Variants in COXFA4L2 observed in about 807,000 individuals in gnomAD.
The protein encoded by COXFA4L2 is NADH dehydrogenase (ubiquinone) 1 alpha subcomplex, 4-like 2.
the COXFA4L2 span, chr12:57,236,950 A>G: frequency 6.3e-7 from 1 of 1,584,202 alleles, no homozygotes; most frequent in Non-Finnish European, 8.7e-7. Flanking sequence ...CCTGGGCACA[A>G]GGCAAGGCAT....
the COXFA4L2 span, chr12:57,235,802 T>C: frequency 1.3e-6 from 2 of 1,542,936 alleles, no homozygotes; most frequent in Non-Finnish European, 1.8e-6. Flanking sequence ...TTGTTCTTTC[T>C]GTCCCAGCTG....
At chr12:57,237,298 G>A in the COXFA4L2 span, 6 of 1,431,612 alleles carry the variant, frequency 4.2e-6, no homozygotes, top group Non-Finnish European at 5.5e-6. Flanking sequence ...GAGCCAAGTG[G>A]TTTCTGCTCT....
At chr12:57,235,292 G>T in the COXFA4L2 span, 1 of 575,878 alleles carries the variant, frequency 1.7e-6, no homozygotes, top group East Asian at 2.9e-5. Context: ...CAGAGGGGCT[G>T]GTCTGGGCTC....
At chr12:57,236,480 C>T in the COXFA4L2 span, 15 of 868,414 alleles carry the variant, frequency 1.7e-5, no homozygotes, top group Non-Finnish European at 2.4e-5. Flanking sequence ...AGATGCCGGT[C>T]GGTACAGTCG....
At chr12:57,235,751 T>C in the COXFA4L2 span, 1 of 1,596,992 alleles carries the variant, frequency 6.3e-7, no homozygotes, top group Non-Finnish European at 8.6e-7. Flanking sequence ...AGAGGTACCT[T>C]GTATTGGTCA....
the COXFA4L2 span, chr12:57,235,211 T>G: frequency 3.2e-6 from 1 of 311,514 alleles, no homozygotes; most frequent in South Asian, 5.5e-5. Context: ...GGCCCCTGCT[T>G]CTTGTTGGCT....
chr12:57,238,934 C>T, the COXFA4L2 span, among the ~76,000 whole-genome samples: 4 of 152,232 alleles, frequency 2.6e-5, no homozygotes, highest in South Asian at 2.1e-4. The surrounding 1 kb of genome is among the most constrained non-coding windows in gnomAD (Gnocchi z 6.8). Flanking sequence ...GTCTCTGGCT[C>T]GTGGCCCATG....
the COXFA4L2 span, chr12:57,236,941 C>T: frequency 3.2e-6 from 5 of 1,558,894 alleles, no homozygotes; most frequent in Non-Finnish European, 4.4e-6. Context: ...GCTGAGGGAC[C>T]TGGGCACAAG....
chr12:57,237,391 C>A, the COXFA4L2 span: 3 of 1,329,398 alleles, frequency 2.3e-6, no homozygotes, highest in South Asian at 3.4e-5. Context: ...GGAAGGACCT[C>A]AGTGGCATAG....
chr12:57,239,309 T>C, the COXFA4L2 span, among the ~76,000 whole-genome samples: 2 of 152,190 alleles, frequency 1.3e-5, no homozygotes, highest in African/African-American at 2.4e-5. The surrounding 1 kb of genome is among the most constrained non-coding windows in gnomAD (Gnocchi z 5.5). Flanking sequence ...ACTCCCGGCG[T>C]TCGGGCCGCT....
At chr12:57,235,973 ATAT>A in the COXFA4L2 span, among the ~76,000 whole-genome samples, 1 of 152,180 alleles carries the variant, frequency 6.6e-6, no homozygotes, top group Non-Finnish European at 1.5e-5. Context: ...AGGAACGGTC[ATAT>A]TAGCAGGTGC....
chr12:57,235,619 A>G, the COXFA4L2 span: 1 of 1,614,174 alleles, frequency 6.2e-7, no homozygotes, highest in Non-Finnish European at 8.5e-7. Context: ...ACTGCAAGGA[A>G]CTAAGAGGAG....
At chr12:57,236,864 G>T in the COXFA4L2 span, among the ~76,000 whole-genome samples, 1 of 152,154 alleles carries the variant, frequency 6.6e-6, no homozygotes, top group Non-Finnish European at 1.5e-5. Flanking sequence ...GTCCAAGGTA[G>T]TAGATTTGTG....
chr12:57,235,589 G>A, the COXFA4L2 span: 1 of 1,614,128 alleles, frequency 6.2e-7, no homozygotes, highest in African/African-American at 1.3e-5. Context: ...TCCTTCTTCA[G>A]CTTCTTATAG....
the COXFA4L2 span, chr12:57,240,615 T>A: frequency 4.1e-6 from 4 of 968,134 alleles, no homozygotes; most frequent in African/African-American, 3.5e-5. Context: ...GTCATTCGGA[T>A]ACACGCCGCC....
At chr12:57,235,563 T>C in the COXFA4L2 span, 2 of 1,613,606 alleles carry the variant, frequency 1.2e-6, no homozygotes, top group Non-Finnish European at 1.7e-6. Flanking sequence ...CCAGCCTGGC[T>C]TAGAAGTCTG....
the COXFA4L2 span, chr12:57,236,725 C>T: frequency 2.0e-6 from 3 of 1,500,042 alleles, no homozygotes; most frequent in Non-Finnish European, 2.7e-6. Context: ...GCCCTCTCCC[C>T]GCAGTTCCCA....
At chr12:57,237,205 G>C in the COXFA4L2 span, 6 of 1,577,232 alleles carry the variant, frequency 3.8e-6, no homozygotes, top group South Asian at 1.1e-5. Flanking sequence ...GGCCCAGCCC[G>C]TGCTTCTTTG....
the COXFA4L2 span, chr12:57,237,310 C>G: frequency 7.0e-7 from 1 of 1,427,464 alleles, no homozygotes. Flanking sequence ...TTCTGCTCTC[C>G]GACTCTCTCC....
Sources: allele counts gnomAD v4.1 joint callset (sites outside exome capture counted in the v4.1 genomes callset), GRCh38; gene constraint gnomAD v4.1.1; non-coding constraint Gnocchi (gnomAD v3.1); transcripts MANE v1.5; gene names NCBI Gene and HGNC (gene_info 2026-07-23, HGNC 2026-07-21).